The following KALRN variants were observed in gnomAD, a reference collection of about 807,000 sequenced individuals.
The protein encoded by KALRN is kalirin RhoGEF kinase, also known as kalirin.
Under a neutral mutation model 353.7 loss-of-function variants are expected in KALRN, and 70 were observed. The ratio of observed to expected loss-of-function variants is 0.20; its 90% CI spans 0.16 to 0.24. The LOEUF (loss-of-function observed/expected upper bound fraction) is 0.24, where lower values mean the gene tolerates loss of function less well. Among genes scored for constraint, KALRN ranks in the 10% least tolerant of loss-of-function variants. The probability of loss-of-function intolerance (pLI) is 1.00; values close to 1 mark genes in which losing one functional copy is unlikely to be tolerated. For synonymous variants in KALRN, 1,391 were observed against 1,434.8 expected (o/e 0.97, Z 0.69); for missense variants, 2,791 against 3,756.7 (o/e 0.74, Z 6.72).
At chr3:124,450,558 A>G (rs186018850) in intron 21 of KALRN, among the ~76,000 whole-genome samples, 17 of 149,296 alleles carry the variant, frequency 1.1e-4, no homozygotes, top group Admixed American at 8.7e-4. Flanking sequence ...GCTATTTCTG[A>G]GACTCTTTTT....
rs143334749 is a variant in KALRN, at chr3:124,632,623, C to T, written c.5386C>T (p.Arg1796Cys). ...DGNIKKQKKVRDGRKSFDLGS... is the reference protein window; with the variant it reads ...DGNIKKQKKVCDGRKSFDLGS... Reference sequence around the variant, plus strand: ...AAACATCAAAAAGCAGAAGAAAGTTCGCGATGGTCGGAAGAGCTTTGACCT... The same window carrying T: ...AAACATCAAAAAGCAGAAGAAAGTTTGCGATGGTCGGAAGAGCTTTGACCT... The change falls in exon 35 of 60, where the codon CGC becomes TGC. Residue 1796 changes from arginine to cysteine, a missense_variant. Arg to Cys is a radical substitution (Grantham distance 180). Transcript: ENST00000682506. The T allele has an allele frequency of 3.5e-5, 57 of 1,614,104 alleles. No homozygotes were observed. Among genetic ancestry groups the T allele is most frequent in the South Asian group, 1.1e-4 (10 of 91,068 alleles).
At chr3:124,505,673 G>C (rs1189374313) in intron 33 of KALRN, among the ~76,000 whole-genome samples, 2 of 152,166 alleles carry the variant, frequency 1.3e-5, no homozygotes, top group Non-Finnish European at 2.9e-5. Context: ...GCGAAAATTT[G>C]CTAGACAAGA....
chr3:124,197,703 G>T (rs564372984), intron 1 of KALRN, among the ~76,000 whole-genome samples: 14 of 152,320 alleles, frequency 9.2e-5, no homozygotes, highest in African/African-American at 3.1e-4. Flanking sequence ...GACAGGCAGG[G>T]CTTGTCCTCT....
intron 1 of KALRN, among the ~76,000 whole-genome samples, chr3:124,153,837 G>T (rs2068561253): frequency 6.6e-6 from 1 of 152,034 alleles, no homozygotes; most frequent in Admixed American, 6.6e-5. Flanking sequence ...TTATCTCATT[G>T]TGGTTTTGAT....
intron 1 of KALRN, among the ~76,000 whole-genome samples, chr3:124,109,682 A>T (rs951296314): frequency 6.7e-6 from 1 of 148,722 alleles, no homozygotes; most frequent in Non-Finnish European, 1.5e-5. Context: ...TGATATACAT[A>T]TCATATATAT....
chr3:124,438,256 C>T (rs542888441), intron 17 of KALRN, among the ~76,000 whole-genome samples: 1 of 152,316 alleles, frequency 6.6e-6, no homozygotes, highest in African/African-American at 2.4e-5. Flanking sequence ...CTCTCAGCAT[C>T]TTTAGAACTA....
intron 1 of KALRN, among the ~76,000 whole-genome samples, chr3:124,225,669 G>C (rs1045219820): frequency 2.0e-4 from 31 of 152,322 alleles, no homozygotes; most frequent in Admixed American, 1.9e-3. Flanking sequence ...GAGACTTGGA[G>C]CTTCCTCTTC....
At chr3:124,240,571 G>C (rs2080308057) in intron 3 of KALRN, among the ~76,000 whole-genome samples, 1 of 152,128 alleles carries the variant, frequency 6.6e-6, no homozygotes, top group Non-Finnish European at 1.5e-5. Context: ...TCCATGACAG[G>C]GAGCAGGGGA....
intron 25 of KALRN, among the ~76,000 whole-genome samples, chr3:124,463,085 A>T (rs561121725): frequency 3.0e-4 from 46 of 152,312 alleles, no homozygotes; most frequent in Non-Finnish European, 5.6e-4. Flanking sequence ...GGAGGGAAGG[A>T]TATCAACCGA....
chr3:124,617,511 G>A (rs756022369), intron 34 of KALRN, among the ~76,000 whole-genome samples: 1 of 152,168 alleles, frequency 6.6e-6, no homozygotes, highest in Non-Finnish European at 1.5e-5. Flanking sequence ...AGAAGTCCTT[G>A]GTAAGCTTCA....
intron 37 of KALRN, among the ~76,000 whole-genome samples, chr3:124,646,634 G>GC (rs1241078551): frequency 1.0e-4 from 15 of 150,730 alleles, no homozygotes; most frequent in South Asian, 4.2e-4. Flanking sequence ...CAGGTTATCT[G>GC]CCCCCCTCGG....
chr3:124,042,623 A>G (rs1040896540), intron 1 of KALRN, among the ~76,000 whole-genome samples: 1 of 152,192 alleles, frequency 6.6e-6, no homozygotes, highest in Non-Finnish European at 1.5e-5. Flanking sequence ...AGATTACTCC[A>G]AAGTTTAGAG....
At chr3:124,560,331 C>A (rs1485885416) in intron 33 of KALRN, among the ~76,000 whole-genome samples, 1 of 152,228 alleles carries the variant, frequency 6.6e-6, no homozygotes, top group Non-Finnish European at 1.5e-5. Context: ...CAACCCTGAG[C>A]CCCTGGCGTG....
At chr3:124,440,691 G>A (rs1049157870) in intron 18 of KALRN, among the ~76,000 whole-genome samples, 7 of 150,922 alleles carry the variant, frequency 4.6e-5, no homozygotes. Context: ...TACATTTCAG[G>A]GTGTGTAGAA....
chr3:124,187,795 G>C lies in KALRN; in HGVS notation c.74-40195G>C, dbSNP rs191290454. Among the ~76,000 whole-genome samples, 4 of 152,298 alleles carry C rather than the reference G, an allele frequency of 2.6e-5. No homozygotes were observed. In the East Asian group the frequency reaches 7.7e-4, roughly 29 times the overall value. On this transcript the variant is annotated intron_variant, in intron 1 of 59. Coordinates refer to ENST00000682506, the MANE Select transcript of KALRN (RefSeq NM_001388419.1). ...GTAAGTGATTATTAGAGAGTTACCA[G>C]GTGGGGAGAGATTTTAAGATTCATA... is the stretch of plus-strand genomic sequence containing the variant.
chr3:124,146,562 C>T (rs1001412118), intron 1 of KALRN, among the ~76,000 whole-genome samples: 5 of 152,012 alleles, frequency 3.3e-5, no homozygotes, highest in African/African-American at 1.2e-4. Context: ...GGGGAAAGGG[C>T]AGATGTTCTA....
At chr3:124,516,679 G>A (rs1395373416) in intron 33 of KALRN, among the ~76,000 whole-genome samples, 2 of 149,380 alleles carry the variant, frequency 1.3e-5, no homozygotes, top group Non-Finnish European at 3.0e-5. Context: ...GTGAATTATG[G>A]TGTGTGTGGG....
At chr3:124,145,693 A>G (rs2067244473) in intron 1 of KALRN, among the ~76,000 whole-genome samples, 1 of 152,228 alleles carries the variant, frequency 6.6e-6, no homozygotes, top group African/African-American at 2.4e-5. Flanking sequence ...CAGGAAGTAA[A>G]TTAATGTAAC....
chr3:124,041,952 C>G (rs1458758920), intron 1 of KALRN, among the ~76,000 whole-genome samples: 1 of 152,140 alleles, frequency 6.6e-6, no homozygotes, highest in Non-Finnish European at 1.5e-5. Flanking sequence ...CCCATCTGCC[C>G]TATGACATTA....
Sources: allele counts gnomAD v4.1 joint callset (sites outside exome capture counted in the v4.1 genomes callset), GRCh38; gene constraint gnomAD v4.1.1; transcripts MANE v1.5; gene names NCBI Gene and HGNC (gene_info 2026-07-23, HGNC 2026-07-21).